NRXN1: variants seen among roughly 807,000 people sequenced by gnomAD.
NRXN1 encodes the protein neurexin-1.
NRXN1 carries 39 observed loss-of-function variants against 150.9 expected under a neutral mutation model. The ratio of observed to expected loss-of-function variants is 0.26; its 90% CI spans 0.20 to 0.34. The LOEUF is 0.34. Ranked by LOEUF, NRXN1 falls within the 10% of genes least tolerant of loss-of-function variation. The pLI is 1.00. For missense variants in NRXN1, 1,815 were observed against 1,949.9 expected (o/e 0.93, Z 1.30); for synonymous variants, 924 against 757.0 (o/e 1.22, Z -3.62).
chr2:50,179,048 A>G (rs2060530406), intron 18 of NRXN1, among the ~76,000 whole-genome samples: 1 of 152,170 alleles, frequency 6.6e-6, no homozygotes, highest in South Asian at 2.1e-4. Context: ...TAGGTGTCTT[A>G]GTTCAAAGGA....
chr2:50,364,647 T>C (rs1348768093), intron 17 of NRXN1, among the ~76,000 whole-genome samples: 1 of 152,084 alleles, frequency 6.6e-6, no homozygotes, highest in Non-Finnish European at 1.5e-5. Context: ...ATTATTTAAA[T>C]TTGCTCCTTT....
chr2:50,467,282 C>T (rs1345649366), intron 16 of NRXN1, among the ~76,000 whole-genome samples: 1 of 151,466 alleles, frequency 6.6e-6, no homozygotes, highest in Non-Finnish European at 1.5e-5. Context: ...TAATAAGAAC[C>T]TATCTTAGAG....
At chr2:50,169,012 G>A (rs975919455) in intron 18 of NRXN1, among the ~76,000 whole-genome samples, 6 of 152,106 alleles carry the variant, frequency 3.9e-5, no homozygotes, top group Non-Finnish European at 7.4e-5. Flanking sequence ...TTTCACACAC[G>A]GAATGCTCAT....
At chr2:50,568,948 T>A (rs79773571) in intron 8 of NRXN1, among the ~76,000 whole-genome samples, 3,181 of 152,176 alleles carry the variant, frequency 0.021, 122 homozygotes, top group African/African-American at 0.072. Flanking sequence ...ACACAATGAA[T>A]AATTATTTAT....
At chr2:50,430,584 A>G (rs2084885313) in intron 17 of NRXN1, among the ~76,000 whole-genome samples, 1 of 152,198 alleles carries the variant, frequency 6.6e-6, no homozygotes, top group African/African-American at 2.4e-5. Flanking sequence ...ATTATTTAAT[A>G]ACAAGCACAG....
intron 8 of NRXN1, among the ~76,000 whole-genome samples, chr2:50,574,687 C>T (rs937848045): frequency 6.6e-6 from 1 of 152,184 alleles, no homozygotes; most frequent in Non-Finnish European, 1.5e-5. Flanking sequence ...GAGAATCATA[C>T]TAAATTAATT....
chr2:50,216,156 G>A (rs78689196), intron 18 of NRXN1, among the ~76,000 whole-genome samples: 3,654 of 152,072 alleles, frequency 0.024, 130 homozygotes, highest in African/African-American at 0.083. Context: ...AGGAGTTTGA[G>A]GCTGCAGTGA....
intron 8 of NRXN1, among the ~76,000 whole-genome samples, chr2:50,600,105 A>G (rs181194488): frequency 1.2e-3 from 184 of 152,254 alleles, no homozygotes; most frequent in African/African-American, 4.2e-3. Context: ...GCAGAATGTC[A>G]CTGAAAATCT....
intron 18 of NRXN1, among the ~76,000 whole-genome samples, chr2:50,218,115 A>G (rs1356317181): frequency 6.6e-6 from 1 of 152,054 alleles, no homozygotes; most frequent in Non-Finnish European, 1.5e-5. Context: ...ACTATTATAA[A>G]TTTCAGTGCT....
chr2:50,100,682 A>G (rs186447123), intron 18 of NRXN1, among the ~76,000 whole-genome samples: 242 of 152,180 alleles, frequency 1.6e-3, no homozygotes, highest in South Asian at 2.9e-3. Flanking sequence ...ACGTTTGCAG[A>G]TATCACGATA....
intron 2 of NRXN1, among the ~76,000 whole-genome samples, chr2:50,952,255 G>A (rs1277179039): frequency 6.6e-6 from 1 of 151,798 alleles, no homozygotes; most frequent in Admixed American, 6.6e-5. Flanking sequence ...CGTGAGCCAC[G>A]AATAAATATA....
In NRXN1 at chr2:50,612,095, G is replaced by A. The variant is rs573375768; in HGVS notation, c.1320+7927C>T. On this transcript the variant is annotated intron_variant, in intron 8 of 22. Transcript: ENST00000401669. ...GGGAGCAACACAGAGTGGCAGTTAC[G>A]GGCAAGGATTTCGCTCTCAGATTAT... Among the ~76,000 whole-genome samples the A allele has an allele frequency of 8.1e-4, 124 of 152,266 alleles. 1 individual carries two copies. Among genetic ancestry groups the A allele is most frequent in the East Asian group, 1.9e-3 (10 of 5,180 alleles).
chr2:50,013,764 A>T (rs1052240967), intron 21 of NRXN1, among the ~76,000 whole-genome samples: 5 of 152,286 alleles, frequency 3.3e-5, no homozygotes, highest in African/African-American at 1.2e-4. Context: ...CTGGCTGAGT[A>T]GCAATTTGGA....
At chr2:50,448,622 A>G (rs2086681874) in intron 17 of NRXN1, among the ~76,000 whole-genome samples, 1 of 152,196 alleles carries the variant, frequency 6.6e-6, no homozygotes, top group Non-Finnish European at 1.5e-5. Context: ...TTTTTACTAA[A>G]CTAAAATGCA....
At chr2:50,654,279 T>G (rs1312594642) in intron 5 of NRXN1, among the ~76,000 whole-genome samples, 1 of 124,388 alleles carries the variant, frequency 8.0e-6, no homozygotes, top group Non-Finnish European at 1.9e-5. Context: ...ACATGTGGTG[T>G]TTGGTTTTTT....
intron 22 of NRXN1, among the ~76,000 whole-genome samples, chr2:49,941,040 T>C (rs1238288794): frequency 6.6e-6 from 1 of 152,052 alleles, no homozygotes; most frequent in Non-Finnish European, 1.5e-5. Flanking sequence ...TGGTGTGTTT[T>C]GTATTTTGGG....
At chr2:50,399,511 C>T (rs879641376) in intron 17 of NRXN1, among the ~76,000 whole-genome samples, 1 of 151,892 alleles carries the variant, frequency 6.6e-6, no homozygotes, top group Non-Finnish European at 1.5e-5. Flanking sequence ...CATGCTTCTT[C>T]CTATTGGGAG....
intron 21 of NRXN1, chr2:50,019,330 C>T (rs1346637095): frequency 6.4e-6 from 3 of 471,006 alleles, no homozygotes; most frequent in East Asian, 7.0e-5. Context: ...CTGGTATCCT[C>T]GCTTGGAAAT....
At chr2:50,645,173 G>T (rs1184972692) in intron 5 of NRXN1, among the ~76,000 whole-genome samples, 2 of 151,862 alleles carry the variant, frequency 1.3e-5, no homozygotes, top group Non-Finnish European at 2.9e-5. Flanking sequence ...GAGTGCGACT[G>T]GATGCAGAAA....
Sources: allele counts gnomAD v4.1 joint callset (sites outside exome capture counted in the v4.1 genomes callset), GRCh38; gene constraint gnomAD v4.1.1; transcripts MANE v1.5; gene names NCBI Gene and HGNC (gene_info 2026-07-23, HGNC 2026-07-21).